Variants in IL1RAPL1 observed in about 807,000 individuals in gnomAD.
IL1RAPL1 encodes interleukin-1 receptor accessory protein-like 1.
In IL1RAPL1, 3 loss-of-function variants were observed where a neutral mutation model predicts 48.4. That is an observed-to-expected ratio of 0.06 (90% CI 0.03 to 0.16). The LOEUF is 0.16. Ranked by LOEUF, IL1RAPL1 falls within the 10% of genes least tolerant of loss-of-function variation. IL1RAPL1 has a pLI of 1.00. For synonymous variants in IL1RAPL1, 185 were observed against 187.7 expected (o/e 0.99, Z 0.12); for missense variants, 349 against 530.6 (o/e 0.66, Z 3.36).
chrX:29,004,597 A>G lies in IL1RAPL1; in HGVS notation c.82+215172A>G, dbSNP rs757284403. Among the ~76,000 whole-genome samples the G allele has an allele frequency of 6.2e-5, 7 of 112,554 alleles. No homozygotes were observed. In the South Asian group the frequency reaches 2.6e-3, roughly 41 times the overall value. ...GCATAGAGGGAAGAAATAATCCAGG[A>G]GGTACTACTAATAAACACATTTTTA... is the stretch of plus-strand genomic sequence containing the variant. On this transcript the variant is annotated intron_variant, in intron 2 of 10. Coordinates refer to ENST00000378993, the MANE Select transcript of IL1RAPL1 (RefSeq NM_014271.4).
At chrX:29,390,638 G>A (rs759186192) in intron 3 of IL1RAPL1, among the ~76,000 whole-genome samples, 17 of 111,736 alleles carry the variant, frequency 1.5e-4, no homozygotes, top group African/African-American at 2.0e-4. Flanking sequence ...GAGTAAGAGA[G>A]AGATACCAAA....
At chrX:29,222,969 A>G (rs987089279) in intron 2 of IL1RAPL1, among the ~76,000 whole-genome samples, 1 of 110,854 alleles carries the variant, frequency 9.0e-6, no homozygotes, top group African/African-American at 3.3e-5. Context: ...CTATTCAGAA[A>G]CTCTGATAGC....
chrX:28,746,847 CAT>C (rs1187705794), intron 1 of IL1RAPL1, among the ~76,000 whole-genome samples: 5 of 111,527 alleles, frequency 4.5e-5, no homozygotes, highest in African/African-American at 1.3e-4. Context: ...AACTTCAGTT[CAT>C]ATGTCTGTTT....
At chrX:29,928,780 T>G (rs964300252) in intron 8 of IL1RAPL1, among the ~76,000 whole-genome samples, 15 of 111,867 alleles carry the variant, frequency 1.3e-4, no homozygotes, top group Admixed American at 3.8e-4. Context: ...AAATGCAAGG[T>G]ATAACTTTTA....
chrX:29,923,499 G>A (rs990305496), intron 8 of IL1RAPL1, among the ~76,000 whole-genome samples: 2 of 112,663 alleles, frequency 1.8e-5, no homozygotes, highest in African/African-American at 6.4e-5. Flanking sequence ...ACTCCTGCCA[G>A]AAGCTTCTAT....
At chrX:29,684,433 C>T (rs764405081) in intron 6 of IL1RAPL1, among the ~76,000 whole-genome samples, 3 of 111,776 alleles carry the variant, frequency 2.7e-5, no homozygotes, top group African/African-American at 9.8e-5. Context: ...CCTGCTGATA[C>T]CATCAGCTTG....
At chrX:29,286,233 T>G (rs1720991352) in intron 3 of IL1RAPL1, among the ~76,000 whole-genome samples, 1 of 112,053 alleles carries the variant, frequency 8.9e-6, no homozygotes, top group South Asian at 3.7e-4. Context: ...CACACAATTC[T>G]TTGCTCCATA....
intron 6 of IL1RAPL1, among the ~76,000 whole-genome samples, chrX:29,840,082 G>T (rs1931105296): frequency 8.9e-6 from 1 of 112,067 alleles, no homozygotes; most frequent in South Asian, 3.7e-4. Flanking sequence ...GCTAGAAGAG[G>T]TCATAACGGT....
intron 2 of IL1RAPL1, among the ~76,000 whole-genome samples, chrX:29,242,772 AC>A (rs1931444769): frequency 9.0e-6 from 1 of 111,707 alleles, no homozygotes; most frequent in African/African-American, 3.3e-5. Flanking sequence ...CATAATTTTC[AC>A]CCCAGTCATT....
At chrX:29,699,226 A>G (rs1463144537) in intron 6 of IL1RAPL1, among the ~76,000 whole-genome samples, 1 of 112,253 alleles carries the variant, frequency 8.9e-6, no homozygotes, top group African/African-American at 3.2e-5. Flanking sequence ...CCAAATTTTA[A>G]TTTTGTTTTA....
At chrX:29,065,561 G>T in intron 2 of IL1RAPL1, among the ~76,000 whole-genome samples, 1 of 111,737 alleles carries the variant, frequency 8.9e-6, no homozygotes, top group East Asian at 2.8e-4. Context: ...TGGTTGTGTA[G>T]ATTATTTTTC....
chrX:29,195,860 C>T lies in IL1RAPL1; in HGVS notation c.83-87078C>T, dbSNP rs192417304. Among the ~76,000 whole-genome samples, 4 of 111,796 alleles carry T rather than the reference C, an allele frequency of 3.6e-5. No homozygotes were observed. In the East Asian group the frequency reaches 1.1e-3, roughly 31 times the overall value. ...ACAGGCATGAGCCACTGCACCCGGC[C>T]TATCTAACTTCTTAACCTAAATCCC... On this transcript the variant is annotated intron_variant, in intron 2 of 10. Coordinates refer to ENST00000378993, the MANE Select transcript of IL1RAPL1 (RefSeq NM_014271.4).
intron 2 of IL1RAPL1, among the ~76,000 whole-genome samples, chrX:29,043,799 G>A (rs1434581518): frequency 1.8e-5 from 2 of 111,769 alleles, no homozygotes; most frequent in Non-Finnish European, 3.8e-5. Flanking sequence ...TCAATGTGAC[G>A]TGCTTTGGCT....
At chrX:29,174,799 C>T (rs903684191) in intron 2 of IL1RAPL1, among the ~76,000 whole-genome samples, 10 of 111,921 alleles carry the variant, frequency 8.9e-5, no homozygotes, top group Admixed American at 7.6e-4. Flanking sequence ...GGAGACCTGG[C>T]GTGCTGGCTC....
chrX:29,670,790 A>G (rs1177611602), intron 6 of IL1RAPL1, among the ~76,000 whole-genome samples: 1 of 112,370 alleles, frequency 8.9e-6, no homozygotes, highest in Non-Finnish European at 1.9e-5. Flanking sequence ...CAACAGGTTC[A>G]AAATATGATA....
At chrX:29,246,867 G>A (rs1931523211) in intron 2 of IL1RAPL1, among the ~76,000 whole-genome samples, 1 of 110,974 alleles carries the variant, frequency 9.0e-6, no homozygotes, top group African/African-American at 3.3e-5. Flanking sequence ...GTGGGGGAGA[G>A]TAGTAGGTAA....
intron 2 of IL1RAPL1, among the ~76,000 whole-genome samples, chrX:29,090,130 C>G (rs1427917680): frequency 9.1e-6 from 1 of 109,494 alleles, no homozygotes; most frequent in East Asian, 2.9e-4. Context: ...ATTTCTGTTT[C>G]TTCCCTACAC....
At position 29,460,892 on chromosome X, in the gene IL1RAPL1, A is replaced by G. The variant is rs189853914; in HGVS notation, c.703+61584A>G. Among the ~76,000 whole-genome samples, 292 of 111,846 alleles carry G rather than the reference A, an allele frequency of 2.6e-3. 2 individuals carry two copies. The highest frequency in any genetic ancestry group is 9.2e-3 in the African/African-American group (283 of 30,845). On this transcript the variant is annotated intron_variant, in intron 5 of 10. Coordinates refer to ENST00000378993, the MANE Select transcript of IL1RAPL1 (RefSeq NM_014271.4). Reference sequence around the variant, plus strand: ...TGGAGTGGACCAATATTTCTTAAATATGACACAAAAAGCATGAACAAGATA... The same window carrying G: ...TGGAGTGGACCAATATTTCTTAAATGTGACACAAAAAGCATGAACAAGATA...
intron 2 of IL1RAPL1, among the ~76,000 whole-genome samples, chrX:28,918,392 T>A (rs2147335912): frequency 8.9e-6 from 1 of 112,388 alleles, no homozygotes; most frequent in South Asian, 3.6e-4. Flanking sequence ...ATAAAATGAA[T>A]GCATTTTTAT....
Sources: allele counts gnomAD v4.1 joint callset (sites outside exome capture counted in the v4.1 genomes callset), GRCh38; gene constraint gnomAD v4.1.1; transcripts MANE v1.5; gene names NCBI Gene and HGNC (gene_info 2026-07-23, HGNC 2026-07-21).